Variants in PHF2 observed in about 807,000 individuals in gnomAD.
The protein encoded by PHF2 is PHD finger protein 2, also known as lysine-specific demethylase PHF2.
PHF2 carries 27 observed loss-of-function variants against 120.5 expected under a neutral mutation model. The ratio of observed to expected loss-of-function variants is 0.22; its 90% CI spans 0.17 to 0.31. The LOEUF is 0.31. PHF2 is among the 10% of genes least tolerant of loss of function. The pLI is 1.00. For synonymous variants in PHF2, 568 were observed against 592.5 expected, an observed-to-expected ratio of 0.96 and a Z score of 0.60; for missense variants, 1,024 against 1,434.8, an observed-to-expected ratio of 0.71 and a Z score of 4.63.
chr9:93,603,156 C>G (rs778990703), intron 1 of PHF2, among the ~76,000 whole-genome samples: 1 of 152,190 alleles, frequency 6.6e-6, no homozygotes, highest in Non-Finnish European at 1.5e-5. Flanking sequence ...GTGTTGGTGC[C>G]GAGGGCTGGG....
Position 93,656,442 on chromosome 9 carries a change from C to T in PHF2, c.1041-47C>T. On this transcript the variant is annotated intron_variant, in intron 8 of 21. Transcript: ENST00000359246. This position sits in a 1 kb window ranked among gnomAD's most constrained non-coding sequence, Gnocchi z 4.1. ...GGCCTGGATTGATGCCCAGCGTCGC[C>T]TGCTTGATGGTCAGTGCACTGAGAA... 1 of 1,354,792 alleles carries T rather than the reference C, an allele frequency of 7.4e-7. No individual in the cohort carries two copies. The highest frequency in any genetic ancestry group is 1.1e-6 in the Non-Finnish European group (1 of 946,444). 83.9% of individuals were successfully genotyped at this position (1,354,792 alleles called of 1,614,324 possible).
intron 1 of PHF2, among the ~76,000 whole-genome samples, chr9:93,599,615 G>C (rs781746142): frequency 4.6e-5 from 7 of 152,354 alleles, no homozygotes; most frequent in Middle Eastern, 3.4e-3. Flanking sequence ...GCTCATGGGG[G>C]ACTGGCCTCT....
intron 5 of PHF2, among the ~76,000 whole-genome samples, chr9:93,651,312 C>T (rs72747427): frequency 0.06 from 9,079 of 152,194 alleles, 379 homozygotes; most frequent in Non-Finnish European, 0.098. Context: ...GGCTATGGAG[C>T]TAGGGAGAGA....
At chr9:93,632,743 A>G (rs866402601) in intron 2 of PHF2, among the ~76,000 whole-genome samples, 39 of 152,146 alleles carry the variant, frequency 2.6e-4, no homozygotes, top group African/African-American at 8.9e-4. Flanking sequence ...GGTGGGATGG[A>G]TATTCAGTCC....
At chr9:93,665,944 C>G in intron 15 of PHF2, 46 bp from the exon 16 acceptor site, 1 of 1,611,958 alleles carries the variant, frequency 6.2e-7, no homozygotes, top group East Asian at 2.2e-5. Context: ...GGGTGGCTGG[C>G]TCCCCGCAAG....
intron 17 of PHF2, among the ~76,000 whole-genome samples, chr9:93,671,387 C>T (rs1428317753): frequency 2.6e-4 from 32 of 122,188 alleles, no homozygotes; most frequent in African/African-American, 9.4e-4. Context: ...GATGTAGGTA[C>T]AGGTGTAGAT....
At chr9:93,611,237 G>A (rs962568449) in intron 1 of PHF2, among the ~76,000 whole-genome samples, 1 of 152,080 alleles carries the variant, frequency 6.6e-6, no homozygotes, top group Non-Finnish European at 1.5e-5. Context: ...CCGACATGGT[G>A]AAACCCCATA....
intron 1 of PHF2, among the ~76,000 whole-genome samples, chr9:93,627,156 T>C (rs1825926426): frequency 6.6e-6 from 1 of 152,256 alleles, no homozygotes; most frequent in Non-Finnish European, 1.5e-5. Flanking sequence ...TTTCCATTTC[T>C]TTGTATCCTT....
At position 93,607,439 on chromosome 9, in the gene PHF2, A is replaced by AT. The variant is rs36083667; in HGVS notation, c.99-22508dup. 7.3e-4 allele frequency among the ~76,000 whole-genome samples: 73 copies of AT among 100,532 alleles called. 1 individual carries two copies. The highest frequency in any genetic ancestry group is 1.3e-3 in the African/African-American group (34 of 25,312). The allele number at this position is 100,532 out of a possible 152,430, so 66.0% of individuals were successfully genotyped here. On this transcript the variant is annotated intron_variant, in intron 1 of 21. Coordinates refer to ENST00000359246, the MANE Select transcript of PHF2 (RefSeq NM_005392.4). ...GGCCATGCACCAACATGCCTGGCTA[A>AT]TTTTTTTTTTTTTTTTTTTTTTTGG...
At position 93,636,483 on chromosome 9, in the gene PHF2, G is replaced by C. The variant is rs1485776348; in HGVS notation, c.257G>C (p.Ser86Thr). 2 of 1,606,798 alleles carry C rather than the reference G, an allele frequency of 1.2e-6. No homozygotes were observed. The highest frequency in any genetic ancestry group is 1.7e-6 in the Non-Finnish European group (2 of 1,177,084). Residue 86 changes from serine to threonine, a missense_variant, in exon 3 of 22, where the codon AGC becomes ACC. Around this residue, in one of 2 missense-constraint regions of PHF2, gnomAD observed 347 missense variants for 577.4 expected, o/e 0.60. Coordinates refer to ENST00000359246, the MANE Select transcript of PHF2 (RefSeq NM_005392.4). The part of the protein sequence containing the change: ...APDVKPVQNG[S>T]QLFIKELRSR... ...GACGTCAAGCCCGTGCAGAATGGCA[G>C]CCAGCTCTTCATCAAGGAGCTGCGG...
Position 93,654,431 on chromosome 9 carries a change from C to T in PHF2, c.808C>T (p.Leu270Phe). The change falls in exon 7 of 22, where the codon CTC becomes TTC. Residue 270 changes from leucine to phenylalanine, a missense_variant. Physicochemically the swap from Leu to Phe is conservative, Grantham distance 22. Around this residue, in one of 2 missense-constraint regions of PHF2, gnomAD observed 347 missense variants for 577.4 expected, o/e 0.60. Transcript: ENST00000359246. ...HVLKGEKTFYLIRPASANISL... is the reference protein window; with the variant it reads ...HVLKGEKTFYFIRPASANISL... ...TTGGCAGGGGGAGAAGACCTTCTAT[C>T]TCATCAGGCCGGCCTCGGCCAACAT... 6.2e-7 allele frequency: 1 copy of T among 1,613,434 alleles called. No homozygotes were observed.
chr9:93,586,796 C>T (rs186138424), intron 1 of PHF2, among the ~76,000 whole-genome samples: 6 of 152,318 alleles, frequency 3.9e-5, no homozygotes, highest in South Asian at 2.1e-4. Flanking sequence ...GTTCTAGGCA[C>T]GGGCAGCAGT....
intron 1 of PHF2, among the ~76,000 whole-genome samples, chr9:93,606,358 T>C (rs1825542842): frequency 6.6e-6 from 1 of 152,220 alleles, no homozygotes; most frequent in Admixed American, 6.5e-5. Flanking sequence ...AGAGTTCGTG[T>C]TGCTCTACAT....
At chr9:93,611,587 T>C (rs1389778024) in intron 1 of PHF2, among the ~76,000 whole-genome samples, 2 of 152,238 alleles carry the variant, frequency 1.3e-5, no homozygotes, top group Non-Finnish European at 2.9e-5. Flanking sequence ...CATAGCTCAC[T>C]GTAGCTTCGA....
At chr9:93,632,360 TTGTGCA>T (rs1225136188) in intron 2 of PHF2, among the ~76,000 whole-genome samples, 1 of 152,190 alleles carries the variant, frequency 6.6e-6, no homozygotes, top group African/African-American at 2.4e-5. Context: ...GCTTACATAT[TTGTGCA>T]TGTGTATGTG....
intron 1 of PHF2, among the ~76,000 whole-genome samples, chr9:93,623,238 G>A (rs1337576626): frequency 6.6e-6 from 1 of 152,218 alleles, no homozygotes; most frequent in African/African-American, 2.4e-5. Flanking sequence ...AGCTCAACCA[G>A]CTCCAGGGCA....
In PHF2 at chr9:93,636,420, A is replaced by T; in HGVS notation, c.194A>T (p.Lys65Met). The T allele has an allele frequency of 6.2e-7, 1 of 1,606,568 alleles. No individual in the cohort carries two copies. Among genetic ancestry groups the T allele is most frequent in the Non-Finnish European group, 8.5e-7 (1 of 1,176,680 alleles). The change falls in exon 3 of 22, where the codon AAG (lysine) becomes ATG (methionine). Residue 65 changes from lysine (K) to methionine (M), a missense_variant. Lys to Met is a moderately conservative substitution (Grantham distance 95). Around this residue, in one of 2 missense-constraint regions of PHF2, gnomAD observed 347 missense variants for 577.4 expected, o/e 0.60. Transcript: ENST00000359246. ...KTHGKSTLKKKRTWHKHGPGQ... is the reference protein window; with the variant it reads ...KTHGKSTLKKMRTWHKHGPGQ... ...CCGGTCTCCTCCACAGTAAAGAAGA[A>T]GCGGACCTGGCACAAACACGGCCCG...
chr9:93,602,566 T>C (rs1029067806), intron 1 of PHF2, among the ~76,000 whole-genome samples: 1 of 152,090 alleles, frequency 6.6e-6, no homozygotes, highest in Non-Finnish European at 1.5e-5. Context: ...TAGAGGTTCT[T>C]GTTTATTGAC....
Position 93,649,215 on chromosome 9 carries a change from G to T in PHF2, c.602+3G>T. ...AACCTCGAGTTCTCTGACACCCGGT[G>T]AGTGCTACCACCCTGGGGGTGTGGG... On this transcript the variant is annotated splice_donor_region_variant and intron_variant, in intron 5 of 21. Coordinates refer to ENST00000359246, the MANE Select transcript of PHF2 (RefSeq NM_005392.4). 1.3e-6 allele frequency: 2 copies of T among 1,504,306 alleles called. No individual in the cohort carries two copies. The highest frequency in any genetic ancestry group is 1.2e-5 in the South Asian group (1 of 83,460). 93.2% of individuals were successfully genotyped at this position (1,504,306 alleles called of 1,614,324 possible).
Sources: allele counts gnomAD v4.1 joint callset (sites outside exome capture counted in the v4.1 genomes callset), GRCh38; gene constraint gnomAD v4.1.1; regional missense constraint gnomAD v4.1.1; non-coding constraint Gnocchi (gnomAD v3.1); transcripts MANE v1.5; gene names NCBI Gene and HGNC (gene_info 2026-07-23, HGNC 2026-07-21).